Variants in IRF8 observed in about 807,000 individuals in gnomAD.
IRF8 encodes interferon regulatory factor 8, also known as interferon consensus sequence binding protein 1.
Under a neutral mutation model 48.7 loss-of-function variants are expected in IRF8, and 14 were observed. The ratio of observed to expected loss-of-function variants is 0.29; its 90% confidence interval spans 0.19 to 0.45. IRF8 has a LOEUF of 0.45. IRF8 is among the 20% of genes least tolerant of loss of function. The probability of loss-of-function intolerance (pLI) is 1.00; values close to 1 mark genes in which losing one functional copy is unlikely to be tolerated. For missense variants in IRF8, 493 were observed against 580.7 expected (o/e 0.85, Z 1.55); for synonymous variants, 278 against 227.3 (o/e 1.22, Z -2.01).
rs568111419 is a variant in IRF8 at position 85,921,161 on chromosome 16, C to G, written c.1160C>G (p.Ala387Gly). ...GAAGAGGCTGGGAAGAGCTGTGGAG[C>G]CGGCTCTGTGATGCAGGCCCCCGAG... Reference protein sequence around the residue: ...LAEEAGKSCGAGSVMQAPEEP... With the variant: ...LAEEAGKSCGGGSVMQAPEEP... Residue 387 changes from alanine to glycine, a missense_variant, in exon 9 of 9, where the codon GCC becomes GGC. Ala to Gly is a moderately conservative substitution (Grantham distance 60, BLOSUM62 0). Transcript: ENST00000268638. 6.7e-5 allele frequency: 108 copies of G among 1,614,138 alleles called. 1 individual carries two copies. In the South Asian group the frequency reaches 1.2e-3, roughly 17 times the overall value.
intron 2 of IRF8, among the ~76,000 whole-genome samples, chr16:85,906,671 C>T (rs747025920): frequency 2.0e-5 from 3 of 152,196 alleles, no homozygotes; most frequent in Admixed American, 6.5e-5. Flanking sequence ...CGGATCACAA[C>T]GTTGCCATGA....
At chr16:85,907,197 A>G (rs1167304446) in intron 2 of IRF8, among the ~76,000 whole-genome samples, 1 of 152,250 alleles carries the variant, frequency 6.6e-6, no homozygotes, top group Non-Finnish European at 1.5e-5. Context: ...TACCCCAGGT[A>G]GAGGTGCAAC....
In IRF8 at chr16:85,909,213, C is replaced by T. The variant is rs1240349656; in HGVS notation, c.358+40C>T. Reference sequence around the variant, plus strand: ...TGGGCATGAAACCTTCCAGAAGCTGCCCTGGCCTGTAGCCTTCACCACAGA... The same window carrying T: ...TGGGCATGAAACCTTCCAGAAGCTGTCCTGGCCTGTAGCCTTCACCACAGA... On this transcript the variant is annotated intron_variant, in intron 3 of 8. Transcript: ENST00000268638. 1.9e-6 allele frequency: 3 copies of T among 1,572,590 alleles called. No individual in the cohort carries two copies. In the East Asian group the frequency reaches 6.7e-5, roughly 35 times the overall value.
At chr16:85,916,509 G>C (rs1361969515) in intron 6 of IRF8, among the ~76,000 whole-genome samples, 2 of 152,198 alleles carry the variant, frequency 1.3e-5, no homozygotes, top group African/African-American at 4.8e-5. Flanking sequence ...CACCTGTCAG[G>C]TACAAGCCTG....
chr16:85,911,544 C>G, intron 3 of IRF8, 26 bp from the exon 4 acceptor site: 1 of 1,599,498 alleles, frequency 6.3e-7, no homozygotes, highest in Non-Finnish European at 8.6e-7. Context: ...TGCCATGTGT[C>G]ATGGTGTTTG....
At chr16:85,917,829 C>T (rs751298317) in intron 6 of IRF8, among the ~76,000 whole-genome samples, 4 of 152,200 alleles carry the variant, frequency 2.6e-5, no homozygotes, top group Non-Finnish European at 1.5e-5. Context: ...TTTTGGGGAA[C>T]CCCTGCTTTA....
At chr16:85,906,205 T>A (rs1179718734) in intron 2 of IRF8, among the ~76,000 whole-genome samples, 1 of 152,158 alleles carries the variant, frequency 6.6e-6, no homozygotes, top group Non-Finnish European at 1.5e-5. Flanking sequence ...ATTAAAAAAA[T>A]GCAACATGAA....
rs758259189 is a variant in IRF8, at chr16:85,918,432, T to C, written c.617T>C (p.Val206Ala). ...DAHHSAFSQM[V>A]ISFYYGGKLV... is the part of the protein sequence containing the mutation. ...TTGTCCACAGCATTCTCCCAGATGGTGATCAGCTTCTACTATGGGGGCAAG... is the reference window on the plus strand; with the variant it reads ...TTGTCCACAGCATTCTCCCAGATGGCGATCAGCTTCTACTATGGGGGCAAG... The change falls in exon 7 of 9, where the codon GTG (valine) becomes GCG (alanine). Residue 206 changes from valine (V) to alanine (A), a missense_variant. Physicochemically the swap from Val to Ala is moderately conservative, Grantham distance 64. This residue lies in a region of IRF8 where 408 missense variants were observed against 449.6 expected (regional missense o/e 0.91). Transcript: ENST00000268638. The C allele has an allele frequency of 6.3e-6, 10 of 1,594,628 alleles. No homozygotes were observed. The highest frequency in any genetic ancestry group is 8.5e-6 in the Non-Finnish European group (10 of 1,177,988).
intron 6 of IRF8, among the ~76,000 whole-genome samples, chr16:85,917,182 G>T (rs1221772934): frequency 6.6e-6 from 1 of 152,194 alleles, no homozygotes; most frequent in Non-Finnish European, 1.5e-5. Context: ...AACTCTAGGG[G>T]GCGCCGTGGA....
intron 3 of IRF8, among the ~76,000 whole-genome samples, chr16:85,910,758 A>C (rs1345733555): frequency 6.6e-6 from 1 of 152,158 alleles, no homozygotes; most frequent in African/African-American, 2.4e-5. Flanking sequence ...TGGGCGCCCC[A>C]CCTGCTCCCT....
In IRF8 at chr16:85,915,175, G is replaced by C. The variant is rs549378269; in HGVS notation, c.601+655G>C. Among the ~76,000 whole-genome samples, 9 of 152,364 alleles carry C rather than the reference G, an allele frequency of 5.9e-5. No homozygotes were observed. In the East Asian group the frequency reaches 1.7e-3, roughly 29 times the overall value. On this transcript the variant is annotated intron_variant, in intron 6 of 8. Coordinates refer to ENST00000268638, the MANE Select transcript of IRF8 (RefSeq NM_002163.4). ...CGCGGTGGGCAGAGGTGGCCTTTGT[G>C]TGTAGTCTCAGCGGCTAAGGACCCT... is the stretch of plus-strand genomic sequence containing the variant.
chr16:85,909,234 A>C, intron 3 of IRF8, 61 bp downstream of exon 3: 6 of 1,433,018 alleles, frequency 4.2e-6, no homozygotes, highest in Non-Finnish European at 5.9e-6. Flanking sequence ...AGCCTTCACC[A>C]CAGAACTTGG....
At chr16:85,910,505 G>A (rs997594966) in intron 3 of IRF8, among the ~76,000 whole-genome samples, 41 of 152,170 alleles carry the variant, frequency 2.7e-4, no homozygotes, top group African/African-American at 9.4e-4. Flanking sequence ...TCACCAAAAA[G>A]TAAAGTGTGA....
chr16:85,907,548 C>T (rs1173746591), intron 2 of IRF8, among the ~76,000 whole-genome samples: 1 of 152,106 alleles, frequency 6.6e-6, no homozygotes. Flanking sequence ...TATGGTGGTG[C>T]ACACCTGTAG....
At chr16:85,917,919 G>A (rs1407724093) in intron 6 of IRF8, among the ~76,000 whole-genome samples, 3 of 152,226 alleles carry the variant, frequency 2.0e-5, no homozygotes, top group Non-Finnish European at 4.4e-5. Context: ...TGAAATCCAG[G>A]AAATACCAAG....
intron 5 of IRF8, chr16:85,914,042 A>G (rs938019985): frequency 4.2e-6 from 1 of 240,496 alleles, no homozygotes; most frequent in Non-Finnish European, 8.3e-6. Flanking sequence ...GGTGTCGAGT[A>G]AGAGGTCCCT....
At chr16:85,900,281 G>A (rs375092287) in intron 1 of IRF8, among the ~76,000 whole-genome samples, 36 of 152,272 alleles carry the variant, frequency 2.4e-4, no homozygotes, top group South Asian at 4.1e-4. Context: ...CTCTTATCAC[G>A]TCCCTCCTGG....
In IRF8 at chr16:85,918,474, C is replaced by T; in HGVS notation, c.659C>T (p.Thr220Ile). 6.3e-7 allele frequency: 1 copy of T among 1,590,348 alleles called. No individual in the cohort carries two copies. ...YYGGKLVGQA[T>I]TTCPEGCRLS... is the part of the protein sequence containing the mutation. ...GGGGGCAAGCTGGTGGGCCAGGCCA[C>T]CACCACCTGCCCCGAGGGCTGCCGC... The change falls in exon 7 of 9, where the codon ACC becomes ATC. Residue 220 changes from threonine (T) to isoleucine (I), a missense_variant. By Grantham distance (89) the Thr-to-Ile change is moderately conservative. Coordinates refer to ENST00000268638, the MANE Select transcript of IRF8 (RefSeq NM_002163.4).
Position 85,921,378 on chromosome 16 carries a change from C to T in IRF8, c.*96C>T. Reference sequence around the variant, plus strand: ...GATTAAAGAATGTGGATCCCTCTGTCTGGGGTGGGATGCCTTACTTTGCAC... The same window carrying T: ...GATTAAAGAATGTGGATCCCTCTGTTTGGGGTGGGATGCCTTACTTTGCAC... On this transcript the variant is annotated 3_prime_UTR_variant, in exon 9 of 9. Transcript: ENST00000268638. 1 of 1,331,826 alleles carries T rather than the reference C, an allele frequency of 7.5e-7. No individual in the cohort carries two copies. Among genetic ancestry groups the T allele is most frequent in the South Asian group, 1.2e-5 (1 of 85,116 alleles). 82.5% of individuals were successfully genotyped at this position (1,331,826 alleles called of 1,614,324 possible). A position where few individuals can be genotyped will look rare whatever the true frequency, so the allele number is the denominator to read the frequency against.
Sources: gnomAD v4.1 joint callset for allele counts (sites outside exome capture counted in the v4.1 genomes callset) on GRCh38, gnomAD v4.1.1 for gene constraint, gnomAD v4.1.1 regional missense constraint, MANE v1.5 for transcripts, NCBI Gene and HGNC (gene_info 2026-07-23, HGNC 2026-07-21) for gene names.